The following PDE10A variants were observed in gnomAD, a reference collection of about 807,000 sequenced individuals.
The protein encoded by PDE10A is phosphodiesterase 10A.
A neutral mutation model predicts 97.7 loss-of-function variants in PDE10A; 39 were observed. That is an observed-to-expected ratio of 0.40 (90% confidence interval 0.31 to 0.52). The LOEUF (loss-of-function observed/expected upper bound fraction) is 0.52. Among genes scored for constraint, PDE10A ranks in the 20% least tolerant of loss-of-function variants. PDE10A has a pLI of 0.56. For synonymous variants in PDE10A, 371 were observed against 376.8 expected, an observed-to-expected ratio of 0.98 and a Z score of 0.18; for missense variants, 731 against 1,047.8, an observed-to-expected ratio of 0.70 and a Z score of 4.17.
At chr6:165,678,384 G>T (rs573113668) in intron 1 of PDE10A, among the ~76,000 whole-genome samples, 1 of 150,474 alleles carries the variant, frequency 6.6e-6, no homozygotes, top group Non-Finnish European at 1.5e-5. Context: ...GATTCTTCCC[G>T]TTATGAAGCC....
chr6:165,354,473 C>T (rs538452668), intron 18 of PDE10A, among the ~76,000 whole-genome samples: 1 of 152,232 alleles, frequency 6.6e-6, no homozygotes, highest in African/African-American at 2.4e-5. Context: ...ATATAAAAGC[C>T]ACTCCAAGCT....
intron 13 of PDE10A, among the ~76,000 whole-genome samples, chr6:165,407,790 G>T (rs909436838): frequency 3.3e-5 from 5 of 152,140 alleles, no homozygotes; most frequent in Non-Finnish European, 7.4e-5. Flanking sequence ...CTTTTCTAAG[G>T]CATATTAAAT....
At position 165,329,145 on chromosome 6, in the gene PDE10A, G is replaced by C. The variant is rs926597351; in HGVS notation, c.*3880C>G. 6.6e-6 allele frequency: 1 copy of C among 152,194 alleles called. No homozygotes were observed. The highest frequency in any genetic ancestry group is 2.4e-5 in the African/African-American group (1 of 41,446). 9.4% of individuals were successfully genotyped at this position (152,194 alleles called of 1,614,324 possible). ...CAAACATATGTTCGAAATATGTAAA[G>C]AGAGAAGTGATTTTAAAAATCATGC... is the stretch of plus-strand genomic sequence containing the variant. On this transcript the variant is annotated 3_prime_UTR_variant, in exon 22 of 22. Transcript: ENST00000539869.
intron 15 of PDE10A, among the ~76,000 whole-genome samples, chr6:165,394,098 G>C (rs1032834044): frequency 9.2e-5 from 14 of 151,888 alleles, no homozygotes; most frequent in Non-Finnish European, 2.1e-4. Flanking sequence ...TTTAAGTTCT[G>C]GGGTCCACGT....
intron 11 of PDE10A, 114 bp from the exon 12 acceptor site, chr6:165,416,395 G>C: frequency 1.4e-6 from 1 of 727,300 alleles, no homozygotes; most frequent in Non-Finnish European, 2.4e-6. Context: ...ACTTAAATGC[G>C]TGTATTACTT....
At chr6:165,795,456 T>A (rs1778803144) in intron 1 of PDE10A, among the ~76,000 whole-genome samples, 2 of 152,062 alleles carry the variant, frequency 1.3e-5, no homozygotes, top group South Asian at 4.1e-4. Flanking sequence ...CTGGGCGCGG[T>A]GGCTCATACC....
intron 1 of PDE10A, among the ~76,000 whole-genome samples, chr6:165,961,656 G>A (rs1470100153): frequency 1.3e-5 from 2 of 152,152 alleles, no homozygotes; most frequent in East Asian, 3.9e-4. Flanking sequence ...AGAACTCATG[G>A]CCCCTCCAAA....
At chr6:165,794,932 G>T (rs1306153871) in intron 1 of PDE10A, among the ~76,000 whole-genome samples, 1 of 152,134 alleles carries the variant, frequency 6.6e-6, no homozygotes, top group Non-Finnish European at 1.5e-5. Context: ...CTATTGTTTC[G>T]TGCTGCACAC....
At chr6:165,625,068 C>A (rs1197207237) in intron 1 of PDE10A, among the ~76,000 whole-genome samples, 2 of 152,070 alleles carry the variant, frequency 1.3e-5, no homozygotes, top group African/African-American at 2.4e-5. Flanking sequence ...TGCACTTGAC[C>A]CAGTGAGAGA....
intron 1 of PDE10A, among the ~76,000 whole-genome samples, chr6:165,811,726 G>T (rs1396123348): frequency 6.6e-6 from 1 of 152,210 alleles, no homozygotes; most frequent in African/African-American, 2.4e-5. Flanking sequence ...TGTCTTAGCT[G>T]CTAAGTTTGT....
At chr6:165,948,078 T>C (rs1413442004) in intron 1 of PDE10A, 1 of 139,344 alleles carries the variant, frequency 7.2e-6, no homozygotes, top group Non-Finnish European at 1.7e-5. Context: ...TACATATATG[T>C]ACATATATAT....
intron 10 of PDE10A, among the ~76,000 whole-genome samples, chr6:165,420,994 CCAAT>C (rs1222409323): frequency 6.6e-6 from 1 of 152,002 alleles, no homozygotes; most frequent in Non-Finnish European, 1.5e-5. Flanking sequence ...AAAATTCAAC[CCAAT>C]CAAATTTAGC....
At chr6:165,387,050 C>T (rs1259931514) in intron 17 of PDE10A, among the ~76,000 whole-genome samples, 3 of 151,752 alleles carry the variant, frequency 2.0e-5, no homozygotes, top group Non-Finnish European at 1.5e-5. Context: ...TGTTTTATGC[C>T]GGTATGTATG....
intron 14 of PDE10A, among the ~76,000 whole-genome samples, chr6:165,395,831 C>T (rs1336189428): frequency 6.6e-6 from 1 of 152,074 alleles, no homozygotes; most frequent in Admixed American, 6.6e-5. Flanking sequence ...ATAGTGTTGG[C>T]TTACACTTAC....
intron 11 of PDE10A, among the ~76,000 whole-genome samples, chr6:165,416,989 C>A (rs978573255): frequency 6.7e-5 from 10 of 148,520 alleles, no homozygotes; most frequent in African/African-American, 2.6e-4. Context: ...CATCATCACA[C>A]AGGCACTCAT....
intron 1 of PDE10A, among the ~76,000 whole-genome samples, chr6:165,866,954 C>G (rs1466926375): frequency 6.6e-6 from 1 of 151,916 alleles, no homozygotes; most frequent in Non-Finnish European, 1.5e-5. Flanking sequence ...AGTTCTACAT[C>G]TAGGAGAGAA....
At chr6:165,984,464 T>C (rs1406468870) in intron 1 of PDE10A, among the ~76,000 whole-genome samples, 2 of 152,256 alleles carry the variant, frequency 1.3e-5, no homozygotes, top group Admixed American at 6.5e-5. Flanking sequence ...ATTAAAAATA[T>C]TAAGGTTGTT....
At chr6:165,658,373 AT>A (rs1181569780) in intron 1 of PDE10A, among the ~76,000 whole-genome samples, 3 of 151,788 alleles carry the variant, frequency 2.0e-5, no homozygotes, top group South Asian at 2.1e-4. Flanking sequence ...TGCATTCACC[AT>A]TTTTTTTCCC....
At chr6:165,353,808 C>T (rs764645385) in intron 18 of PDE10A, among the ~76,000 whole-genome samples, 22 of 152,116 alleles carry the variant, frequency 1.4e-4, no homozygotes, top group Non-Finnish European at 2.4e-4. Flanking sequence ...ATGGTGGATA[C>T]GTTTGTCCAG....
Sources: gnomAD v4.1 joint callset for allele counts (sites outside exome capture counted in the v4.1 genomes callset) on GRCh38, gnomAD v4.1.1 for gene constraint, MANE v1.5 for transcripts, NCBI Gene and HGNC (gene_info 2026-07-23, HGNC 2026-07-21) for gene names.